Variants in PTPRD observed in about 807,000 individuals in gnomAD.
PTPRD encodes the protein receptor-type tyrosine-protein phosphatase delta.
In PTPRD, 34 loss-of-function variants were observed where a neutral mutation model predicts 214.5. That is an observed-to-expected ratio of 0.16 (90% CI 0.12 to 0.21). PTPRD has a LOEUF of 0.21. Ranked by LOEUF, PTPRD falls within the 10% of genes least tolerant of loss-of-function variation. The probability of loss-of-function intolerance (pLI) is 1.00; values close to 1 mark genes in which losing one functional copy is unlikely to be tolerated. For synonymous variants in PTPRD, 1,128 were observed against 845.7 expected (o/e 1.33, Z -5.79); for missense variants, 2,545 against 2,398.7 (o/e 1.06, Z -1.27).
intron 14 of PTPRD, among the ~76,000 whole-genome samples, chr9:8,550,146 A>T (rs867764100): frequency 9.8e-5 from 15 of 152,304 alleles, no homozygotes; most frequent in African/African-American, 3.4e-4. Flanking sequence ...AATTTATATT[A>T]TTAGGAAAAC....
At chr9:8,537,869 T>C (rs2077338875) in intron 14 of PTPRD, among the ~76,000 whole-genome samples, 1 of 152,052 alleles carries the variant, frequency 6.6e-6, no homozygotes, top group Admixed American at 6.6e-5. Flanking sequence ...GATTTAATTA[T>C]CATTTGTCTA....
At chr9:8,793,734 G>T (rs1020525637) in intron 11 of PTPRD, among the ~76,000 whole-genome samples, 1 of 151,956 alleles carries the variant, frequency 6.6e-6, no homozygotes, top group African/African-American at 2.4e-5. Flanking sequence ...CAACATTTGC[G>T]CATGTAATTT....
chr9:8,476,184 G>C (rs185193290), intron 30 of PTPRD, among the ~76,000 whole-genome samples: 8 of 152,244 alleles, frequency 5.3e-5, no homozygotes, highest in Admixed American at 4.6e-4. Flanking sequence ...GTGGGGATTG[G>C]GGGGATGGTT....
intron 9 of PTPRD, among the ~76,000 whole-genome samples, chr9:9,223,252 G>A (rs1188186741): frequency 6.6e-6 from 1 of 151,878 alleles, no homozygotes; most frequent in Non-Finnish European, 1.5e-5. Context: ...AATACTTGAG[G>A]GGATTGTACA....
chr9:10,152,368 T>C (rs2154278968), intron 3 of PTPRD, among the ~76,000 whole-genome samples: 1 of 152,122 alleles, frequency 6.6e-6, no homozygotes, highest in Non-Finnish European at 1.5e-5. Context: ...GGATGATTTG[T>C]TTTTATTATT....
intron 9 of PTPRD, among the ~76,000 whole-genome samples, chr9:9,258,447 A>G (rs200009900): frequency 2.6e-5 from 4 of 151,884 alleles, no homozygotes; most frequent in African/African-American, 9.7e-5. Flanking sequence ...AAAAAATACA[A>G]CAGCCATTGA....
At chr9:9,692,299 G>C (rs1004418681) in intron 7 of PTPRD, among the ~76,000 whole-genome samples, 3 of 151,800 alleles carry the variant, frequency 2.0e-5, no homozygotes, top group Non-Finnish European at 2.9e-5. Context: ...AATTTGATTG[G>C]TGTATAAAGC....
intron 6 of PTPRD, among the ~76,000 whole-genome samples, chr9:9,750,836 C>G (rs1310133025): frequency 6.6e-6 from 1 of 152,062 alleles, no homozygotes; most frequent in Non-Finnish European, 1.5e-5. Context: ...AGTCTATATG[C>G]TTCCTCCAAA....
chr9:8,374,617 C>G (rs2082672361), intron 39 of PTPRD, among the ~76,000 whole-genome samples: 1 of 151,908 alleles, frequency 6.6e-6, no homozygotes, highest in Admixed American at 6.6e-5. Flanking sequence ...AACTTTGTAG[C>G]CTCTCACTTC....
Position 8,341,940 on chromosome 9 carries a change from T to C in PTPRD, c.4700A>G (p.Asp1567Gly), listed in dbSNP as rs1360063110. 4.3e-6 allele frequency: 7 copies of C among 1,612,642 alleles called. No homozygotes were observed. The highest frequency in any genetic ancestry group is 5.9e-6 in the Non-Finnish European group (7 of 1,179,402). Residue 1567 changes from aspartate (D) to glycine (G), a missense_variant, in exon 40 of 46, where the codon GAT becomes GGT. Physicochemically the swap from Asp to Gly is moderately conservative, Grantham distance 94. Transcript: ENST00000381196. ...ATGCTTTATTCTTTCTAACATGGCA[T>C]CTATGACGATGAAGCAACCAGTCCG... is the stretch of plus-strand genomic sequence containing the variant. ...VGRTGCFIVIDAMLERIKHEK... is the reference protein window; with the variant it reads ...VGRTGCFIVIGAMLERIKHEK...
intron 11 of PTPRD, among the ~76,000 whole-genome samples, chr9:8,753,701 G>GAA (rs1283531166): frequency 1.1e-4 from 16 of 152,198 alleles, no homozygotes; most frequent in Admixed American, 9.8e-4. Context: ...TTTCTTAAAT[G>GAA]TGCTATTTAT....
chr9:10,344,195 T>G (rs2097015241), intron 2 of PTPRD, among the ~76,000 whole-genome samples: 1 of 151,878 alleles, frequency 6.6e-6, no homozygotes, highest in African/African-American at 2.4e-5. Flanking sequence ...CATCTTGAAT[T>G]AATTTTTGTA....
At chr9:9,818,891 G>C (rs2049708996) in intron 5 of PTPRD, among the ~76,000 whole-genome samples, 2 of 138,314 alleles carry the variant, frequency 1.4e-5, no homozygotes, top group Non-Finnish European at 3.0e-5. Flanking sequence ...ACTCCAGCCT[G>C]GGCAACAGAG....
At chr9:8,636,996 T>G (rs2096456817) in intron 12 of PTPRD, 152 bp from the exon 13 acceptor site, 2 of 769,446 alleles carry the variant, frequency 2.6e-6, no homozygotes, top group African/African-American at 3.5e-5. Context: ...TAGAAAAGCA[T>G]CTTTTACTTT....
chr9:8,511,534 G>A (rs912622389), intron 21 of PTPRD, among the ~76,000 whole-genome samples: 1 of 151,068 alleles, frequency 6.6e-6, no homozygotes, highest in Admixed American at 6.6e-5. Flanking sequence ...TTCCTTCACT[G>A]ATTAACTGAA....
intron 10 of PTPRD, among the ~76,000 whole-genome samples, chr9:9,051,855 C>G (rs1343820824): frequency 6.6e-6 from 1 of 152,082 alleles, no homozygotes; most frequent in Non-Finnish European, 1.5e-5. Flanking sequence ...CCTGCCTGGT[C>G]AAAATTCTAT....
At chr9:9,768,859 G>C (rs1360091947) in intron 5 of PTPRD, among the ~76,000 whole-genome samples, 1 of 152,184 alleles carries the variant, frequency 6.6e-6, no homozygotes, top group Non-Finnish European at 1.5e-5. Context: ...CGTAATCAGG[G>C]TTGAGCTTAA....
intron 11 of PTPRD, among the ~76,000 whole-genome samples, chr9:8,786,095 A>T (rs909239748): frequency 6.6e-6 from 1 of 150,902 alleles, no homozygotes; most frequent in Non-Finnish European, 1.5e-5. Context: ...GTTCACCGCT[A>T]GTGGCAATTC....
In PTPRD at chr9:9,636,354, T is replaced by C. The variant is rs534708750; in HGVS notation, c.-286-61573A>G. 5.9e-5 allele frequency among the ~76,000 whole-genome samples: 9 copies of C among 152,360 alleles called. No homozygotes were observed. In the South Asian group the frequency reaches 1.9e-3, roughly 32 times the overall value. On this transcript the variant is annotated intron_variant, in intron 7 of 45. Coordinates refer to ENST00000381196, the MANE Select transcript of PTPRD (RefSeq NM_002839.4). ...TATTGAGTAATGACTGTAGTAGACA[T>C]TTTGGTTGATTTTCAACATCCACAT... is the stretch of plus-strand genomic sequence containing the variant.
Sources: gnomAD v4.1 joint callset for allele counts (sites outside exome capture counted in the v4.1 genomes callset) on GRCh38, gnomAD v4.1.1 for gene constraint, MANE v1.5 for transcripts, NCBI Gene and HGNC (gene_info 2026-07-23, HGNC 2026-07-21) for gene names.